ROBO2: variants seen among roughly 807,000 people sequenced by gnomAD.
ROBO2 encodes the protein roundabout homolog 2.
In ROBO2, 53 loss-of-function variants were observed where a neutral mutation model predicts 160.8. The ratio of observed to expected loss-of-function variants is 0.33; its 90% CI spans 0.26 to 0.41. The LOEUF (loss-of-function observed/expected upper bound fraction) is 0.41. ROBO2 is among the 10% of genes least tolerant of loss of function. The pLI is 1.00. For synonymous variants in ROBO2, 664 were observed against 611.7 expected (o/e 1.09, Z -1.26); for missense variants, 1,577 against 1,722.4 (o/e 0.92, Z 1.49).
chr3:76,447,184 C>T (rs923753166), intron 2 of ROBO2, among the ~76,000 whole-genome samples: 6 of 152,042 alleles, frequency 3.9e-5, no homozygotes, highest in Non-Finnish European at 5.9e-5. Context: ...TGAACTCAAA[C>T]AAATTTACAA....
intron 2 of ROBO2, among the ~76,000 whole-genome samples, chr3:77,146,852 C>T (rs2077158542): frequency 6.6e-6 from 1 of 152,114 alleles, no homozygotes; most frequent in Admixed American, 6.5e-5. Flanking sequence ...CCTGCAGTCC[C>T]AGCTACTCAG....
At position 75,956,885 on chromosome 3, in the gene ROBO2, T is replaced by G. The variant is rs1948739261; in HGVS notation, c.109+19283T>G. Among the ~76,000 whole-genome samples, 2 of 151,774 alleles carry G rather than the reference T, an allele frequency of 1.3e-5. 1 individual carries two copies. The highest frequency in any genetic ancestry group is 4.1e-4 in the South Asian group (2 of 4,828). On this transcript the variant is annotated intron_variant, in intron 2 of 26. Transcript: ENST00000487694. ...CAAAAAGTTGGACAAAGTGTGTTGA[T>G]CTTTTATGACAAAATAGATATCTCT...
intron 2 of ROBO2, among the ~76,000 whole-genome samples, chr3:76,610,866 G>A (rs1335143385): frequency 6.6e-6 from 1 of 152,210 alleles, no homozygotes; most frequent in Admixed American, 6.5e-5. Flanking sequence ...GCGCCACTGG[G>A]CAGGTTCCAA....
chr3:75,915,222 A>G (rs974248543), intron 1 of ROBO2, among the ~76,000 whole-genome samples: 7 of 152,226 alleles, frequency 4.6e-5, no homozygotes, highest in Non-Finnish European at 1.0e-4. Flanking sequence ...GAAGATAGAA[A>G]GCTTACAGAA....
chr3:77,392,608 C>T (rs1036729979), intron 2 of ROBO2, among the ~76,000 whole-genome samples: 7 of 152,142 alleles, frequency 4.6e-5, no homozygotes, highest in Admixed American at 1.3e-4. Context: ...TTTTTAATCA[C>T]TTGCCAGTCT....
intron 2 of ROBO2, among the ~76,000 whole-genome samples, chr3:76,325,633 T>C (rs1448168403): frequency 3.9e-5 from 6 of 152,102 alleles, no homozygotes; most frequent in Non-Finnish European, 5.9e-5. Flanking sequence ...GCAGGTGATG[T>C]TGAATAAGTT....
Position 76,254,171 on chromosome 3 carries a change from T to A in ROBO2, c.109+316569T>A, listed in dbSNP as rs189160884. 6.6e-5 allele frequency among the ~76,000 whole-genome samples: 10 copies of A among 152,238 alleles called. No homozygotes were observed. In the East Asian group the frequency reaches 1.7e-3, roughly 27 times the overall value. ...TTGCCAGGTTATGATTGTAGTGATATGAATTTGAGAAGCAAGATCTGGTAG... is the reference window on the plus strand; with the variant it reads ...TTGCCAGGTTATGATTGTAGTGATAAGAATTTGAGAAGCAAGATCTGGTAG... On this transcript the variant is annotated intron_variant, in intron 2 of 26. Coordinates refer to the ROBO2 transcript ENST00000487694.
chr3:76,495,432 C>A (rs1008812243), intron 2 of ROBO2, among the ~76,000 whole-genome samples: 3 of 151,858 alleles, frequency 2.0e-5, no homozygotes, highest in African/African-American at 7.3e-5. Context: ...AAGTGAAAAG[C>A]GATGAAAACT....
chr3:76,451,588 G>A (rs757794836), intron 2 of ROBO2, among the ~76,000 whole-genome samples: 1 of 152,136 alleles, frequency 6.6e-6, no homozygotes, highest in Non-Finnish European at 1.5e-5. Context: ...GTGAATGGGG[G>A]ACAATGATGT....
intron 2 of ROBO2, among the ~76,000 whole-genome samples, chr3:76,727,138 G>GA (rs1553883506): frequency 6.6e-6 from 1 of 151,786 alleles, no homozygotes; most frequent in Non-Finnish European, 1.5e-5. Flanking sequence ...AATATAACAT[G>GA]CAGTATTTGT....
At chr3:76,656,759 T>G (rs1457428065) in intron 2 of ROBO2, among the ~76,000 whole-genome samples, 2 of 152,206 alleles carry the variant, frequency 1.3e-5, no homozygotes, top group East Asian at 3.9e-4. Flanking sequence ...TGACTGTTCT[T>G]TTGCCTCAGG....
intron 2 of ROBO2, among the ~76,000 whole-genome samples, chr3:76,395,796 C>A (rs148204578): frequency 6.6e-6 from 1 of 152,078 alleles, no homozygotes; most frequent in African/African-American, 2.4e-5. Flanking sequence ...TCTGAATAGA[C>A]CAATAACAGG....
At chr3:77,586,759 C>T (rs1345281529) in intron 16 of ROBO2, among the ~76,000 whole-genome samples, 1 of 151,000 alleles carries the variant, frequency 6.6e-6, no homozygotes, top group Admixed American at 6.6e-5. Flanking sequence ...TTAAGGAAAT[C>T]ACCAGATAGG....
intron 2 of ROBO2, among the ~76,000 whole-genome samples, chr3:76,707,075 G>T (rs1292657149): frequency 6.6e-6 from 1 of 151,894 alleles, no homozygotes; most frequent in Non-Finnish European, 1.5e-5. Context: ...TTCTGTGTGT[G>T]TATATATAGT....
intron 2 of ROBO2, among the ~76,000 whole-genome samples, chr3:76,549,380 T>C (rs2083289751): frequency 1.3e-5 from 2 of 152,178 alleles, no homozygotes; most frequent in Non-Finnish European, 2.9e-5. Context: ...CGTTACCTCC[T>C]CTTTAGATAA....
At chr3:76,065,852 GACTA>G (rs143101028) in intron 2 of ROBO2, among the ~76,000 whole-genome samples, 3,866 of 151,340 alleles carry the variant, frequency 0.026, 184 homozygotes, top group African/African-American at 0.088. Context: ...AAATATTTTA[GACTA>G]ACTATTTAAA....
At chr3:77,551,712 T>C (rs919041025) in intron 8 of ROBO2, among the ~76,000 whole-genome samples, 1 of 152,024 alleles carries the variant, frequency 6.6e-6, no homozygotes, top group African/African-American at 2.4e-5. Flanking sequence ...TACTCTCCTT[T>C]ATTTGTGAGG....
intron 2 of ROBO2, 73 bp from the exon 3 acceptor site, chr3:77,477,341 A>G (rs1329232665): frequency 6.8e-7 from 1 of 1,467,534 alleles, no homozygotes; most frequent in East Asian, 2.3e-5. Flanking sequence ...ACAAGACTTG[A>G]AGTTACCTTG....
intron 2 of ROBO2, among the ~76,000 whole-genome samples, chr3:76,543,331 C>T (rs188542648): frequency 6.6e-6 from 1 of 152,088 alleles, no homozygotes; most frequent in East Asian, 1.9e-4. Context: ...GACTCTAATC[C>T]AATAAGCCTG....
Sources: gnomAD v4.1 joint callset for allele counts (sites outside exome capture counted in the v4.1 genomes callset) on GRCh38, gnomAD v4.1.1 for gene constraint, MANE v1.5 for transcripts, NCBI Gene and HGNC (gene_info 2026-07-23, HGNC 2026-07-21) for gene names.